The following RTN4 variants were observed in gnomAD, a reference collection of about 807,000 sequenced individuals.
RTN4 encodes the protein reticulon 4.
Under a neutral mutation model 90.4 loss-of-function variants are expected in RTN4, and 32 were observed. The observed-to-expected ratio is 0.35, with a 90% CI of 0.27 to 0.48. The LOEUF (loss-of-function observed/expected upper bound fraction) is 0.48, where lower values mean the gene tolerates loss of function less well. Ranked by LOEUF, RTN4 falls within the 20% of genes least tolerant of loss-of-function variation. The pLI, the probability that RTN4 is intolerant of heterozygous loss-of-function variation, is 0.99. For synonymous variants in RTN4, 629 were observed against 552.5 expected (o/e 1.14, Z -1.94); for missense variants, 1,706 against 1,430.2 (o/e 1.19, Z -3.11).
Position 55,025,875 on chromosome 2 carries a change from A to C in RTN4, c.2224T>G (p.Ser742Ala). The C allele has an allele frequency of 6.2e-7, 1 of 1,613,792 alleles. No homozygotes were observed. ...TCACTAAATAAGTCAACTGGTTCAG[A>C]ATCAGGTGAGGAATCTTCAACTAGC... ...SELVEDSSPD[S>A]EPVDLFSDDS... The change falls in exon 3 of 9, where the codon TCT (serine) becomes GCT (alanine). Residue 742 changes from serine to alanine, a missense_variant. Coordinates refer to ENST00000337526, the MANE Select transcript of RTN4 (RefSeq NM_020532.5).
chr2:55,040,424 GCTTAAAAAAAAAAAGTTGTAACA>G (rs1260328194), intron 1 of RTN4, among the ~76,000 whole-genome samples: 1 of 151,592 alleles, frequency 6.6e-6, no homozygotes, highest in African/African-American at 2.4e-5. Flanking sequence ...ACCTCTAGTA[GCTTAAAAAAAAAAAGTTGTAACA>G]CTTTTAGGTC....
intron 3 of RTN4, among the ~76,000 whole-genome samples, chr2:55,014,993 C>G (rs977425232): frequency 4.6e-5 from 7 of 152,092 alleles, no homozygotes; most frequent in Non-Finnish European, 1.0e-4. Flanking sequence ...TACAAGATGT[C>G]AATATTCAAA....
chr2:55,019,341 G>C (rs1471486015), intron 3 of RTN4, among the ~76,000 whole-genome samples: 1 of 152,138 alleles, frequency 6.6e-6, no homozygotes, highest in African/African-American at 2.4e-5. Context: ...TACTAAATTG[G>C]AGGGGCGAAT....
chr2:54,983,024 C>T (rs192506221), intron 4 of RTN4, among the ~76,000 whole-genome samples: 1 of 150,862 alleles, frequency 6.6e-6, no homozygotes. Context: ...TGCAACTGAG[C>T]ACAAGGATGC....
At chr2:55,089,303 G>C (rs985776269) in intron 1 of RTN4, among the ~76,000 whole-genome samples, 2 of 152,184 alleles carry the variant, frequency 1.3e-5, no homozygotes, top group East Asian at 3.8e-4. Flanking sequence ...TTGAGCATCA[G>C]TATGAATGCT....
At chr2:55,000,424 G>T (rs779935840) in intron 3 of RTN4, among the ~76,000 whole-genome samples, 1 of 152,050 alleles carries the variant, frequency 6.6e-6, no homozygotes, top group African/African-American at 2.4e-5. Flanking sequence ...GTGCTTTGGC[G>T]AATTTGAACC....
At chr2:55,105,227 G>GTTT (rs869164590) in intron 1 of RTN4, among the ~76,000 whole-genome samples, 37 of 114,050 alleles carry the variant, frequency 3.2e-4, no homozygotes, top group Non-Finnish European at 4.4e-4. Context: ...TGCTATTGAA[G>GTTT]TTTTTTTTTT....
Position 55,025,626 on chromosome 2 carries a change from T to G in RTN4, c.2473A>C (p.Lys825Gln), listed in dbSNP as rs1429491870. Residue 825 changes from lysine (K) to glutamine (Q), a missense_variant, in exon 3 of 9, where the codon AAG (lysine) becomes CAG (glutamine). Coordinates refer to ENST00000337526, the MANE Select transcript of RTN4 (RefSeq NM_020532.5). ...LPDEVSTLSK[K>Q]EKIPLQMEEL... ...TCCATCTGCAAAGGAATTTTCTCCT[T>G]TTTGCTCAATGTTGAAACTTCATCA... 1 of 1,613,654 alleles carries G rather than the reference T, an allele frequency of 6.2e-7. No homozygotes were observed. The highest frequency in any genetic ancestry group is 1.1e-5 in the South Asian group (1 of 91,038).
At chr2:55,043,580 C>T (rs191000943) in intron 1 of RTN4, among the ~76,000 whole-genome samples, 251 of 152,026 alleles carry the variant, frequency 1.7e-3, no homozygotes, top group African/African-American at 5.9e-3. Flanking sequence ...TAGTAAGACC[C>T]CATCTTTAAA....
At position 55,027,567 on chromosome 2, in the gene RTN4, G is replaced by A. The variant is rs56290934; in HGVS notation, c.614-82C>T. The stretch of plus-strand genomic sequence containing the variant: ...CAAGTTTTATGACAGATCCAAAATA[G>A]TGTTAGTAAAGACTTACTGTTTACT... On this transcript the variant is annotated intron_variant, in intron 2 of 8. Coordinates refer to ENST00000337526, the MANE Select transcript of RTN4 (RefSeq NM_020532.5). 9,279 of 1,407,368 alleles carry A rather than the reference G, an allele frequency of 6.6e-3. 435 individuals carry two copies. The African/African-American group carries it at 0.11, about 16-fold the overall frequency. 87.2% of individuals were successfully genotyped at this position (1,407,368 alleles called of 1,614,324 possible). A position where few individuals can be genotyped will look rare whatever the true frequency, so the allele number is the denominator to read the frequency against.
At chr2:54,978,122 T>C (rs1677796216) in intron 5 of RTN4, among the ~76,000 whole-genome samples, 1 of 152,116 alleles carries the variant, frequency 6.6e-6, no homozygotes, top group African/African-American at 2.4e-5. Context: ...GGAAGATGGT[T>C]TCACATGGAA....
chr2:55,010,412 G>C, intron 3 of RTN4: 1 of 1,168,880 alleles, frequency 8.6e-7, no homozygotes, highest in Non-Finnish European at 1.1e-6. Flanking sequence ...ATACCAAATG[G>C]AGCTGCATTT....
At chr2:55,125,370 G>A in the RTN4 span, among the ~76,000 whole-genome samples, 8 of 152,210 alleles carry the variant, frequency 5.3e-5, no homozygotes, top group African/African-American at 9.7e-5. Flanking sequence ...TGCATCTGAC[G>A]AAGGTCTAAT....
chr2:55,053,692 A>G (rs1004844469), upstream of RTN4, among the ~76,000 whole-genome samples: 1 of 111,222 alleles, frequency 9.0e-6, no homozygotes. Context: ...ATCTCAAAAA[A>G]AAACAAAAAA....
intron 1 of RTN4, among the ~76,000 whole-genome samples, chr2:55,081,595 G>A (rs1016024084): frequency 6.6e-6 from 1 of 152,030 alleles, no homozygotes; most frequent in African/African-American, 2.4e-5. Flanking sequence ...CAGGCATGGT[G>A]GCTCAGACCT....
At chr2:55,000,217 G>A (rs866448374) in intron 3 of RTN4, among the ~76,000 whole-genome samples, 3 of 152,076 alleles carry the variant, frequency 2.0e-5, no homozygotes, top group Admixed American at 2.0e-4. Context: ...TATGTAAAGA[G>A]GTTTCAATTA....
intron 3 of RTN4, among the ~76,000 whole-genome samples, chr2:54,993,075 GAAAAAAAA>G (rs61127530): frequency 1.5e-5 from 1 of 64,664 alleles, no homozygotes. Context: ...CTCCATCTCG[GAAAAAAAA>G]AAAAAAAAAA....
chr2:55,115,450 C>G (rs1320079457), upstream of RTN4, among the ~76,000 whole-genome samples: 2 of 152,116 alleles, frequency 1.3e-5, no homozygotes, highest in Non-Finnish European at 2.9e-5. Flanking sequence ...CTGGGCCCAT[C>G]TATATATATA....
intron 3 of RTN4, among the ~76,000 whole-genome samples, chr2:54,999,831 C>G (rs1003149450): frequency 1.3e-5 from 2 of 152,100 alleles, no homozygotes; most frequent in African/African-American, 4.8e-5. Flanking sequence ...TAAGCATTCA[C>G]CTGTCAAAAA....
Sources: allele counts gnomAD v4.1 joint callset (sites outside exome capture counted in the v4.1 genomes callset), GRCh38; gene constraint gnomAD v4.1.1; transcripts MANE v1.5; gene names NCBI Gene and HGNC (gene_info 2026-07-23, HGNC 2026-07-21).